Variants in PTPRT observed in about 807,000 individuals in gnomAD.
PTPRT encodes protein tyrosine phosphatase receptor type T.
In PTPRT, 56 loss-of-function variants were observed where a neutral mutation model predicts 176.8. The ratio of observed to expected loss-of-function variants is 0.32; its 90% CI spans 0.26 to 0.40. The LOEUF is 0.40. Among genes scored for constraint, PTPRT ranks in the 10% least tolerant of loss-of-function variants. The pLI is 1.00. For synonymous variants in PTPRT, 783 were observed against 739.0 expected, an observed-to-expected ratio of 1.06 and a Z score of -0.96; for missense variants, 1,540 against 1,908.2, an observed-to-expected ratio of 0.81 and a Z score of 3.60.
intron 2 of PTPRT, among the ~76,000 whole-genome samples, chr20:42,808,578 G>A (rs2077648369): frequency 6.6e-6 from 1 of 152,126 alleles, no homozygotes; most frequent in Non-Finnish European, 1.5e-5. Context: ...CCATGCACCA[G>A]GAGCCCATGG....
chr20:42,128,207 G>T (rs953891301), intron 19 of PTPRT, among the ~76,000 whole-genome samples: 1 of 151,940 alleles, frequency 6.6e-6, no homozygotes, highest in African/African-American at 2.4e-5. Flanking sequence ...TTGAAGCTTT[G>T]GTTCACATCA....
intron 1 of PTPRT, among the ~76,000 whole-genome samples, chr20:42,946,825 G>C (rs188368440): frequency 6.6e-6 from 1 of 152,242 alleles, no homozygotes; most frequent in East Asian, 1.9e-4. Flanking sequence ...TTGACATTTT[G>C]AGCAAGGTAT....
intron 14 of PTPRT, among the ~76,000 whole-genome samples, chr20:42,247,089 A>C (rs1568706108): frequency 6.6e-6 from 1 of 152,328 alleles, no homozygotes; most frequent in African/African-American, 2.4e-5. Flanking sequence ...TTCACCCCCA[A>C]TATTAACATA....
intron 1 of PTPRT, among the ~76,000 whole-genome samples, chr20:43,085,946 T>C (rs549555252): frequency 1.3e-5 from 2 of 150,798 alleles, no homozygotes; most frequent in African/African-American, 4.9e-5. Context: ...TGGAAAAGAG[T>C]TGTCTTCCCC....
chr20:43,189,291 C>T lies in PTPRT; in HGVS notation c.88+355G>A, dbSNP rs2015476719. ...TCCACCCCGGGCGTCGGTGCCGCTC[C>T]TCGTCTCGCCGCCCCAAACACTCAA... On this transcript the variant is annotated intron_variant, in intron 1 of 30. Transcript: ENST00000373187. The surrounding 1 kb of genome is among the most constrained non-coding windows in gnomAD (Gnocchi z 5.0). Among the ~76,000 whole-genome samples the T allele has an allele frequency of 6.6e-6, 1 of 152,080 alleles. No individual in the cohort carries two copies. Among genetic ancestry groups the T allele is most frequent in the Non-Finnish European group, 1.5e-5 (1 of 68,006 alleles).
chr20:42,878,907 T>C (rs956901228), intron 2 of PTPRT, among the ~76,000 whole-genome samples: 14 of 152,216 alleles, frequency 9.2e-5, no homozygotes, highest in African/African-American at 3.4e-4. Context: ...TGGATGCCTG[T>C]AGTCCCAGCT....
chr20:42,554,344 T>A (rs1282501187), intron 7 of PTPRT, among the ~76,000 whole-genome samples: 2 of 152,208 alleles, frequency 1.3e-5, no homozygotes, highest in African/African-American at 2.4e-5. Flanking sequence ...ATGGATTTTT[T>A]AAAATAGAGC....
At chr20:42,053,469 C>T in the PTPRT span, among the ~76,000 whole-genome samples, 26 of 152,166 alleles carry the variant, frequency 1.7e-4, no homozygotes, top group Non-Finnish European at 2.2e-4. Context: ...TGACAAGCTC[C>T]GCTGTGGGCC....
At chr20:42,059,671 C>T in the PTPRT span, among the ~76,000 whole-genome samples, 1 of 152,176 alleles carries the variant, frequency 6.6e-6, no homozygotes, top group African/African-American at 2.4e-5. Flanking sequence ...GGTTCAAAGT[C>T]TCCTGACCAC....
intron 7 of PTPRT, among the ~76,000 whole-genome samples, chr20:42,668,597 A>G (rs1181368376): frequency 1.3e-5 from 2 of 152,130 alleles, no homozygotes; most frequent in African/African-American, 2.4e-5. Context: ...TGGTGCCAAC[A>G]GTAGACATCG....
chr20:42,584,162 C>A (rs2073429132), intron 7 of PTPRT, among the ~76,000 whole-genome samples: 2 of 152,206 alleles, frequency 1.3e-5, no homozygotes, highest in African/African-American at 4.8e-5. Flanking sequence ...CCCAGCTGAG[C>A]TCTGTCCACA....
intron 1 of PTPRT, among the ~76,000 whole-genome samples, chr20:42,939,728 A>G (rs929079376): frequency 1.3e-5 from 2 of 152,232 alleles, no homozygotes; most frequent in Admixed American, 6.5e-5. Flanking sequence ...AGAAAAAAAG[A>G]CACTAAAAAA....
chr20:43,069,203 A>C (rs2011149851), intron 1 of PTPRT, among the ~76,000 whole-genome samples: 1 of 152,130 alleles, frequency 6.6e-6, no homozygotes, highest in Non-Finnish European at 1.5e-5. Context: ...CAAAATTCAG[A>C]TAGGATGTCT....
intron 6 of PTPRT, among the ~76,000 whole-genome samples, chr20:42,698,522 G>T (rs571717860): frequency 6.6e-6 from 1 of 152,138 alleles, no homozygotes; most frequent in Non-Finnish European, 1.5e-5. Flanking sequence ...ATCTTCATGG[G>T]TTGCACCAGT....
intron 7 of PTPRT, among the ~76,000 whole-genome samples, chr20:42,543,029 T>TGAGACAA (rs1171529733): frequency 8.9e-4 from 136 of 152,352 alleles, no homozygotes; most frequent in African/African-American, 3.0e-3. Context: ...ATCTTTTTGT[T>TGAGACAA]GGTGGAGGGT....
At chr20:42,944,783 C>A (rs998766462) in intron 1 of PTPRT, among the ~76,000 whole-genome samples, 5 of 152,190 alleles carry the variant, frequency 3.3e-5, no homozygotes, top group African/African-American at 2.4e-5. Flanking sequence ...GCATTAAGCA[C>A]TTGGTTGGTT....
chr20:42,397,705 G>A (rs1432332402), intron 9 of PTPRT, among the ~76,000 whole-genome samples: 1 of 152,104 alleles, frequency 6.6e-6, no homozygotes, highest in Non-Finnish European at 1.5e-5. Flanking sequence ...TGAGCACCTG[G>A]GTTGATTCCA....
chr20:42,098,522 T>C lies in PTPRT; in HGVS notation c.3745A>G (p.Thr1249Ala), dbSNP rs138377903. The C allele has an allele frequency of 3.2e-4, 518 of 1,614,168 alleles. 1 individual carries two copies. The African/African-American group carries it at 6.4e-3, about 20-fold the overall frequency. ...ACGGTGTTGGGTAGAGGGTGCTGGG[T>C]GACCACGAAGGCGGCAGGCTGCTTG... ...SHKQPAAFVV[T>A]QHPLPNTVAD... The change falls in exon 27 of 31, where the codon ACC becomes GCC. Residue 1249 changes from threonine (T) to alanine (A), a missense_variant. By Grantham distance (58) the Thr-to-Ala change is moderately conservative (BLOSUM62 0). This residue lies in a region of PTPRT where 342 missense variants were observed against 394.0 expected (regional missense o/e 0.87). Transcript: ENST00000373187.
At position 42,508,127 on chromosome 20, in the gene PTPRT, T is replaced by TTGTG. The variant is rs57895943; in HGVS notation, c.1154-35569_1154-35566dup. Reference sequence around the variant, plus strand: ...TTAATAAAATCAGTAATTACCCTTTTTGTGTGTGTGTGTGTGTGTGTGTAT... The same window carrying TTGTG: ...TTAATAAAATCAGTAATTACCCTTTTTGTGTGTGTGTGTGTGTGTGTGTGTGTAT... On this transcript the variant is annotated intron_variant, in intron 7 of 30. Coordinates refer to ENST00000373187, the MANE Select transcript of PTPRT (RefSeq NM_007050.6). 9.8e-3 allele frequency among the ~76,000 whole-genome samples: 1,431 copies of TTGTG among 146,690 alleles called. 15 individuals carry two copies. The highest frequency in any genetic ancestry group is 0.022 in the Admixed American group (332 of 14,872).
Sources: allele counts gnomAD v4.1 joint callset (sites outside exome capture counted in the v4.1 genomes callset), GRCh38; gene constraint gnomAD v4.1.1; regional missense constraint gnomAD v4.1.1; non-coding constraint Gnocchi (gnomAD v3.1); transcripts MANE v1.5; gene names NCBI Gene and HGNC (gene_info 2026-07-23, HGNC 2026-07-21).